The following LRMDA variants were observed in gnomAD, a reference collection of about 807,000 sequenced individuals.
The protein encoded by LRMDA is leucine-rich melanocyte differentiation-associated protein.
In LRMDA, 18 loss-of-function variants were observed where a neutral mutation model predicts 29.8. That is an observed-to-expected ratio of 0.60 (90% CI 0.42 to 0.90). The LOEUF is 0.90. Among genes scored for constraint, LRMDA ranks in the 40% least tolerant of loss-of-function variants. LRMDA has a pLI of 0.00. For missense variants in LRMDA, 273 were observed against 273.9 expected, an observed-to-expected ratio of 1.00 and a Z score of 0.02; for synonymous variants, 125 against 109.4, an observed-to-expected ratio of 1.14 and a Z score of -0.89.
At chr10:76,090,583 G>A (rs1418196896) in intron 5 of LRMDA, among the ~76,000 whole-genome samples, 2 of 152,178 alleles carry the variant, frequency 1.3e-5, no homozygotes, top group Non-Finnish European at 2.9e-5. Context: ...GAACACCCAT[G>A]TTCGTAGCAG....
At chr10:76,108,619 TTTTTCTGTG>T (rs1474223814) in intron 5 of LRMDA, among the ~76,000 whole-genome samples, 1 of 152,228 alleles carries the variant, frequency 6.6e-6, no homozygotes, top group Non-Finnish European at 1.5e-5. Flanking sequence ...TTGTTTCCTA[TTTTTCTGTG>T]TTTTCTGTTT....
At chr10:75,627,678 C>G (rs1841268246) in intron 2 of LRMDA, among the ~76,000 whole-genome samples, 1 of 152,166 alleles carries the variant, frequency 6.6e-6, no homozygotes, top group African/African-American at 2.4e-5. Flanking sequence ...ATGCTTGGAT[C>G]TCACTACCAA....
chr10:76,101,428 T>A (rs1849392637), intron 5 of LRMDA, among the ~76,000 whole-genome samples: 1 of 152,182 alleles, frequency 6.6e-6, no homozygotes, highest in Non-Finnish European at 1.5e-5. Flanking sequence ...ACCCTTATTA[T>A]CCCCTTTTCC....
chr10:76,112,677 C>T (rs899124192), intron 5 of LRMDA, among the ~76,000 whole-genome samples: 1 of 124,664 alleles, frequency 8.0e-6, no homozygotes, highest in Non-Finnish European at 1.7e-5. Context: ...CCATCTCCTA[C>T]TGCACTAGGT....
intron 5 of LRMDA, among the ~76,000 whole-genome samples, chr10:76,147,548 G>A (rs1038137442): frequency 3.3e-5 from 5 of 151,932 alleles, no homozygotes; most frequent in African/African-American, 1.2e-4. Context: ...GGTCCTTTAA[G>A]GACTTCTCTG....
At chr10:76,228,588 C>T (rs540186413) in intron 5 of LRMDA, among the ~76,000 whole-genome samples, 3 of 152,200 alleles carry the variant, frequency 2.0e-5, no homozygotes, top group Non-Finnish European at 2.9e-5. Context: ...GGGGTTGAAT[C>T]GGTCCTCCTA....
intron 6 of LRMDA, among the ~76,000 whole-genome samples, chr10:76,483,766 C>G (rs1842755582): frequency 1.3e-5 from 2 of 150,020 alleles, no homozygotes; most frequent in South Asian, 4.2e-4. Context: ...CCATAAGAAG[C>G]ATTGCTTTAT....
intron 5 of LRMDA, among the ~76,000 whole-genome samples, chr10:76,068,406 T>C (rs958752838): frequency 2.6e-4 from 39 of 152,230 alleles, no homozygotes; most frequent in African/African-American, 8.7e-4. Flanking sequence ...TGGAAGACAA[T>C]TATTCCACAG....
chr10:75,853,433 GGTGTGTGTGT>G (rs3042495), intron 2 of LRMDA, among the ~76,000 whole-genome samples: 2 of 147,506 alleles, frequency 1.4e-5, no homozygotes, highest in African/African-American at 2.5e-5. Flanking sequence ...AAAGAAGAGG[GGTGTGTGTGT>G]GTGTGTGTGT....
chr10:76,056,481 G>A (rs1025304712), intron 4 of LRMDA, among the ~76,000 whole-genome samples: 28 of 152,158 alleles, frequency 1.8e-4, no homozygotes, highest in Non-Finnish European at 1.2e-4. Flanking sequence ...GCTGTCTATA[G>A]TGCCCATGGT....
chr10:75,838,489 G>T (rs186667115), intron 2 of LRMDA, among the ~76,000 whole-genome samples: 3 of 151,904 alleles, frequency 2.0e-5, no homozygotes, highest in South Asian at 2.1e-4. Flanking sequence ...TGCCAGCTTC[G>T]AACTCTTGGA....
chr10:75,998,928 T>C (rs1847517243), intron 2 of LRMDA, among the ~76,000 whole-genome samples: 1 of 152,200 alleles, frequency 6.6e-6, no homozygotes, highest in Non-Finnish European at 1.5e-5. Context: ...CAGGGAACTG[T>C]GGGGCTGGGA....
chr10:76,439,829 A>G (rs1048711392), intron 6 of LRMDA, among the ~76,000 whole-genome samples: 1 of 152,214 alleles, frequency 6.6e-6, no homozygotes, highest in African/African-American at 2.4e-5. Context: ...ATAGTGTCAT[A>G]TCTGAAATCT....
chr10:76,446,628 T>C (rs539290719), intron 6 of LRMDA, among the ~76,000 whole-genome samples: 113 of 152,306 alleles, frequency 7.4e-4, no homozygotes, highest in African/African-American at 2.6e-3. Flanking sequence ...TTCCAAAATC[T>C]AGTAGGTTAA....
chr10:76,531,523 T>A (rs1265569101), intron 6 of LRMDA, among the ~76,000 whole-genome samples: 2 of 152,162 alleles, frequency 1.3e-5, no homozygotes, highest in Non-Finnish European at 2.9e-5. Flanking sequence ...AATTTTGTCA[T>A]TTTTTTCTGC....
chr10:75,712,384 C>T (rs906321291), intron 2 of LRMDA, among the ~76,000 whole-genome samples: 1 of 151,304 alleles, frequency 6.6e-6, no homozygotes, highest in African/African-American at 2.4e-5. Context: ...GCCGGCTGGG[C>T]CCTCCGTCAG....
At chr10:76,013,437 C>G (rs1457366076) in intron 2 of LRMDA, among the ~76,000 whole-genome samples, 1 of 151,964 alleles carries the variant, frequency 6.6e-6, no homozygotes, top group Non-Finnish European at 1.5e-5. Context: ...CCCTAATCAG[C>G]AAAATGACAT....
intron 2 of LRMDA, among the ~76,000 whole-genome samples, chr10:75,855,673 T>C (rs1376194785): frequency 6.6e-6 from 1 of 152,240 alleles, no homozygotes; most frequent in Non-Finnish European, 1.5e-5. Flanking sequence ...GCCTAGGTTT[T>C]CTTCTAGGGT....
intron 5 of LRMDA, among the ~76,000 whole-genome samples, chr10:76,105,140 G>A (rs12263685): frequency 1.3e-5 from 2 of 152,106 alleles, no homozygotes; most frequent in Non-Finnish European, 2.9e-5. Flanking sequence ...ATCTTGGTCT[G>A]TGTTTCTTTT....
Sources: allele counts gnomAD v4.1 joint callset (sites outside exome capture counted in the v4.1 genomes callset), GRCh38; gene constraint gnomAD v4.1.1; transcripts MANE v1.5; gene names NCBI Gene and HGNC (gene_info 2026-07-23, HGNC 2026-07-21).